Variants in HDAC9 observed in about 807,000 individuals in gnomAD.
The protein encoded by HDAC9 is histone deacetylase 9, also known as MEF-2 interacting transcription repressor (MITR) protein.
Under a neutral mutation model 139.4 loss-of-function variants are expected in HDAC9, and 41 were observed. That is an observed-to-expected ratio of 0.29 (90% confidence interval 0.23 to 0.38). HDAC9 has a LOEUF of 0.38. Ranked by LOEUF, HDAC9 falls within the 10% of genes least tolerant of loss-of-function variation. The pLI is 1.00. For missense variants in HDAC9, 1,147 were observed against 1,297.0 expected (o/e 0.88, Z 1.78); for synonymous variants, 517 against 476.2 (o/e 1.09, Z -1.12).
chr7:18,458,798 T>C, intron 1 of HDAC9: 1 of 1,385,560 alleles, frequency 7.2e-7, no homozygotes. Context: ...CCAACTCCCA[T>C]GGAGGGTCCT....
At chr7:18,496,485 A>G (rs1295629117) in intron 2 of HDAC9, 161 bp downstream of exon 2, 2 of 617,552 alleles carry the variant, frequency 3.2e-6, no homozygotes, top group Non-Finnish European at 5.8e-6. Context: ...GATCCCTTCC[A>G]TTACTGTTTC....
At chr7:18,628,097 C>G (rs995088409) in intron 6 of HDAC9, among the ~76,000 whole-genome samples, 8 of 152,166 alleles carry the variant, frequency 5.3e-5, no homozygotes, top group South Asian at 2.1e-4. Flanking sequence ...CTGATAAAAT[C>G]TGGCTACATT....
At position 18,996,683 on chromosome 7, in the gene HDAC9, T is replaced by C. The variant is rs1182723250; in HGVS notation, c.*621T>C. On this transcript the variant is annotated 3_prime_UTR_variant, in exon 26 of 26. Coordinates refer to ENST00000686413, the MANE Select transcript of HDAC9 (RefSeq NM_178425.4). ...GGAACTAGCATGAGGCTTTTTTCAGTATCTCGAAGTCCAAATGCCAAAGGA... is the reference window on the plus strand; with the variant it reads ...GGAACTAGCATGAGGCTTTTTTCAGCATCTCGAAGTCCAAATGCCAAAGGA... 6.6e-6 allele frequency: 1 copy of C among 152,242 alleles called. No individual in the cohort carries two copies. Among genetic ancestry groups the C allele is most frequent in the Non-Finnish European group, 1.5e-5 (1 of 68,082 alleles). 9.4% of individuals were successfully genotyped at this position (152,242 alleles called of 1,614,324 possible).
At position 19,000,426 on chromosome 7, in the gene HDAC9, G is replaced by A. The variant is rs1016887940; in HGVS notation, c.*4364G>A. ...ATGAAGCAGAGCATGATTGTCAAGT[G>A]ACCAGAGGATGACATTTGTAAGTGA... On this transcript the variant is annotated 3_prime_UTR_variant, in exon 26 of 26. Transcript: ENST00000686413. The A allele has an allele frequency of 6.6e-6, 1 of 152,176 alleles. No homozygotes were observed. Among genetic ancestry groups the A allele is most frequent in the East Asian group, 1.9e-4 (1 of 5,198 alleles). 9.4% of individuals were successfully genotyped at this position (152,176 alleles called of 1,614,324 possible).
intron 21 of HDAC9, among the ~76,000 whole-genome samples, chr7:18,843,730 A>G (rs1161369060): frequency 6.6e-6 from 1 of 152,126 alleles, no homozygotes; most frequent in Non-Finnish European, 1.5e-5. Context: ...TACTACTACT[A>G]GACTTATTGA....
At chr7:18,887,165 G>C (rs1800230722) in intron 22 of HDAC9, among the ~76,000 whole-genome samples, 1 of 152,228 alleles carries the variant, frequency 6.6e-6, no homozygotes, top group South Asian at 2.1e-4. Context: ...GGGCTGGAGA[G>C]TCACTATGGA....
At chr7:18,476,038 AT>A (rs1229393431) in intron 1 of HDAC9, among the ~76,000 whole-genome samples, 2 of 152,174 alleles carry the variant, frequency 1.3e-5, no homozygotes, top group African/African-American at 4.8e-5. Context: ...CTCTTATTGC[AT>A]GTTTGGTCTC....
At chr7:18,666,510 AT>A in intron 12 of HDAC9, 34 bp downstream of exon 12, 1 of 1,591,886 alleles carries the variant, frequency 6.3e-7, no homozygotes. Context: ...AGGATTTGTA[AT>A]TAAAGTCATT....
At chr7:18,980,499 A>G (rs914941107) in intron 25 of HDAC9, among the ~76,000 whole-genome samples, 1 of 152,208 alleles carries the variant, frequency 6.6e-6, no homozygotes, top group African/African-American at 2.4e-5. Context: ...TTAAAATGAG[A>G]GAAAAATTTC....
chr7:18,958,861 G>C (rs959926489), intron 24 of HDAC9, among the ~76,000 whole-genome samples: 1 of 152,132 alleles, frequency 6.6e-6, no homozygotes, highest in African/African-American at 2.4e-5. Flanking sequence ...AACCCACAAG[G>C]ATGAGTCATT....
At chr7:18,502,407 T>C (rs1563071065) in intron 2 of HDAC9, 2 of 152,186 alleles carry the variant, frequency 1.3e-5, no homozygotes, top group South Asian at 4.1e-4. Flanking sequence ...CCTGCTCAAG[T>C]TTCTATTGGG....
At chr7:18,959,617 G>C (rs963873981) in intron 24 of HDAC9, among the ~76,000 whole-genome samples, 1 of 152,112 alleles carries the variant, frequency 6.6e-6, no homozygotes, top group Non-Finnish European at 1.5e-5. Context: ...CCACAACCAT[G>C]TGACAATGAG....
intron 15 of HDAC9, among the ~76,000 whole-genome samples, chr7:18,765,687 A>G (rs1228681616): frequency 6.6e-6 from 1 of 152,174 alleles, no homozygotes; most frequent in Non-Finnish European, 1.5e-5. Context: ...TAAAATGTAC[A>G]TATATATTTT....
chr7:18,178,420 C>G (rs1285298875), intron 2 of HDAC9, among the ~76,000 whole-genome samples: 3 of 152,184 alleles, frequency 2.0e-5, no homozygotes, highest in Non-Finnish European at 4.4e-5. Flanking sequence ...ATTCATTGAA[C>G]AACAAACATT....
At chr7:18,523,748 A>G (rs1805845441) in intron 2 of HDAC9, among the ~76,000 whole-genome samples, 1 of 152,192 alleles carries the variant, frequency 6.6e-6, no homozygotes, top group African/African-American at 2.4e-5. Flanking sequence ...GAGTTGGGAG[A>G]GAAAGGTGCA....
chr7:18,845,556 T>C (rs1796850416), intron 21 of HDAC9, among the ~76,000 whole-genome samples: 1 of 152,200 alleles, frequency 6.6e-6, no homozygotes, highest in African/African-American at 2.4e-5. Context: ...TTTAATTGTT[T>C]GCTTTGGTGG....
chr7:18,529,670 G>T (rs1586713666), intron 2 of HDAC9, among the ~76,000 whole-genome samples: 1 of 152,226 alleles, frequency 6.6e-6, no homozygotes, highest in South Asian at 2.1e-4. Flanking sequence ...CCATAGACTT[G>T]TTTTTTCTCA....
chr7:18,835,722 A>C, intron 20 of HDAC9, 136 bp downstream of exon 20: 1 of 1,255,288 alleles, frequency 8.0e-7, no homozygotes, highest in African/African-American at 1.5e-5. Flanking sequence ...CATGGGACCA[A>C]GAACCAGTGC....
intron 8 of HDAC9, among the ~76,000 whole-genome samples, chr7:18,640,012 C>G (rs1293827733): frequency 6.6e-6 from 1 of 151,902 alleles, no homozygotes; most frequent in Non-Finnish European, 1.5e-5. Flanking sequence ...TATATTTTTT[C>G]TTTTTCTGAT....
Sources: allele counts gnomAD v4.1 joint callset (sites outside exome capture counted in the v4.1 genomes callset), GRCh38; gene constraint gnomAD v4.1.1; transcripts MANE v1.5; gene names NCBI Gene and HGNC (gene_info 2026-07-23, HGNC 2026-07-21).